PRKCB: variants seen among roughly 807,000 people sequenced by gnomAD.
PRKCB encodes protein kinase C beta type.
A neutral mutation model predicts 81.5 loss-of-function variants in PRKCB; 13 were observed. The observed-to-expected ratio is 0.16, with a 90% CI of 0.10 to 0.25. The LOEUF is 0.25. PRKCB is among the 10% of genes least tolerant of loss of function. The pLI, the probability that PRKCB is intolerant of heterozygous loss-of-function variation, is 1.00. For missense variants in PRKCB, 509 were observed against 875.7 expected (o/e 0.58, Z 5.29); for synonymous variants, 335 against 321.4 (o/e 1.04, Z -0.45).
chr16:24,035,736 T>C (rs566543743), intron 5 of PRKCB, among the ~76,000 whole-genome samples, 189 bp downstream of exon 5: 1 of 152,282 alleles, frequency 6.6e-6, no homozygotes, highest in East Asian at 1.9e-4. Context: ...GGGGGATCTT[T>C]AGAAACTGTA....
chr16:23,888,765 G>T (rs1963243445), intron 2 of PRKCB, among the ~76,000 whole-genome samples: 1 of 152,104 alleles, frequency 6.6e-6, no homozygotes, highest in African/African-American at 2.4e-5. Context: ...GCCAGGATGG[G>T]GCTACTGTGC....
chr16:24,097,705 A>C (rs1294549981), intron 7 of PRKCB, among the ~76,000 whole-genome samples: 2 of 152,206 alleles, frequency 1.3e-5, no homozygotes, highest in East Asian at 3.9e-4. Flanking sequence ...GAGACGTAAG[A>C]CATCAATCAA....
chr16:23,941,055 A>G (rs1964135117), intron 2 of PRKCB, among the ~76,000 whole-genome samples: 1 of 152,248 alleles, frequency 6.6e-6, no homozygotes, highest in Admixed American at 6.5e-5. Context: ...ACCATAAAAG[A>G]TAGACTGCCT....
At chr16:24,117,297 G>A (rs1013703128) in intron 8 of PRKCB, among the ~76,000 whole-genome samples, 5 of 152,132 alleles carry the variant, frequency 3.3e-5, no homozygotes, top group African/African-American at 1.2e-4. Context: ...TGAGCTTGGC[G>A]CAGTTACCAC....
chr16:24,163,177 T>A (rs999137240), intron 10 of PRKCB, among the ~76,000 whole-genome samples: 1 of 152,184 alleles, frequency 6.6e-6, no homozygotes. Flanking sequence ...ACTAGGAACC[T>A]TTTAAAAGGG....
chr16:24,153,701 G>A (rs1967111728), intron 9 of PRKCB, among the ~76,000 whole-genome samples: 1 of 152,210 alleles, frequency 6.6e-6, no homozygotes. Context: ...GTGTCTGTGA[G>A]CCACACTGGT....
intron 10 of PRKCB, among the ~76,000 whole-genome samples, chr16:24,168,499 A>C (rs1026565798): frequency 6.8e-6 from 1 of 146,310 alleles, no homozygotes; most frequent in African/African-American, 2.5e-5. Flanking sequence ...ATGCACTGAT[A>C]ATTTCCATTT....
chr16:24,183,201 A>G (rs1160861900), intron 13 of PRKCB, among the ~76,000 whole-genome samples: 2 of 152,108 alleles, frequency 1.3e-5, no homozygotes, highest in African/African-American at 4.8e-5. Flanking sequence ...CTCAGAATGC[A>G]TTTCATTCAT....
At chr16:23,931,642 C>G (rs1419279340) in intron 2 of PRKCB, among the ~76,000 whole-genome samples, 1 of 152,076 alleles carries the variant, frequency 6.6e-6, no homozygotes, top group Non-Finnish European at 1.5e-5. Flanking sequence ...AGCTTCCTCC[C>G]TCCTTTCCAG....
intron 11 of PRKCB, among the ~76,000 whole-genome samples, chr16:24,173,321 T>C (rs912604936): frequency 6.6e-6 from 1 of 152,200 alleles, no homozygotes; most frequent in Non-Finnish European, 1.5e-5. Context: ...TGGCAAGTTA[T>C]AGGAATTAGC....
At chr16:24,022,158 T>A (rs186355838) in intron 3 of PRKCB, among the ~76,000 whole-genome samples, 12 of 152,170 alleles carry the variant, frequency 7.9e-5, no homozygotes, top group African/African-American at 2.9e-4. Flanking sequence ...AACCTGTTTT[T>A]GAGAGCACTT....
chr16:23,989,225 A>C (rs1343755010), intron 3 of PRKCB, among the ~76,000 whole-genome samples: 2 of 152,104 alleles, frequency 1.3e-5, no homozygotes, highest in African/African-American at 2.4e-5. Flanking sequence ...CGGCCTCCCA[A>C]AGTGCTGGGA....
At chr16:23,935,834 C>T (rs1964050713) in intron 2 of PRKCB, among the ~76,000 whole-genome samples, 1 of 151,712 alleles carries the variant, frequency 6.6e-6, no homozygotes, top group Non-Finnish European at 1.5e-5. Context: ...ATTGAGCACA[C>T]ATAGACATAA....
At chr16:23,842,836 A>G (rs1280873832) in intron 2 of PRKCB, among the ~76,000 whole-genome samples, 3 of 152,244 alleles carry the variant, frequency 2.0e-5, no homozygotes, top group Non-Finnish European at 2.9e-5. Flanking sequence ...TAATTAACAC[A>G]TGTAGACTAG....
At chr16:23,920,991 T>C (rs1963816598) in intron 2 of PRKCB, among the ~76,000 whole-genome samples, 1 of 152,150 alleles carries the variant, frequency 6.6e-6, no homozygotes, top group Non-Finnish European at 1.5e-5. Flanking sequence ...ACGTCTTACA[T>C]GGTGGCAGGC....
At chr16:24,013,255 G>A (rs1965229520) in intron 3 of PRKCB, among the ~76,000 whole-genome samples, 1 of 152,166 alleles carries the variant, frequency 6.6e-6, no homozygotes, top group Non-Finnish European at 1.5e-5. Context: ...TTAGGTTGGT[G>A]CAAAAGTAAT....
At chr16:23,945,193 G>C (rs1238998415) in intron 2 of PRKCB, among the ~76,000 whole-genome samples, 1 of 152,132 alleles carries the variant, frequency 6.6e-6, no homozygotes, top group African/African-American at 2.4e-5. Flanking sequence ...CACCACAGGG[G>C]CACCCTGACA....
At chr16:24,035,346 T>C in intron 4 of PRKCB, 73 bp from the exon 5 acceptor site, 1 of 1,560,754 alleles carries the variant, frequency 6.4e-7, no homozygotes, top group Non-Finnish European at 8.7e-7. Flanking sequence ...CTCAGCGGTC[T>C]TGGGTGGGGC....
chr16:23,970,471 G>T (rs900373279), intron 2 of PRKCB, among the ~76,000 whole-genome samples: 4 of 152,206 alleles, frequency 2.6e-5, no homozygotes, highest in Non-Finnish European at 5.9e-5. Context: ...GGCAGATACT[G>T]GAGCCAGACC....
Sources: gnomAD v4.1 joint callset for allele counts (sites outside exome capture counted in the v4.1 genomes callset) on GRCh38, gnomAD v4.1.1 for gene constraint, MANE v1.5 for transcripts, NCBI Gene and HGNC (gene_info 2026-07-23, HGNC 2026-07-21) for gene names.